Variants in C3 observed in about 807,000 individuals in gnomAD.
C3 encodes the protein C3 and PZP-like alpha-2-macroglobulin domain-containing protein 1.
C3 carries 97 observed loss-of-function variants against 207.9 expected under a neutral mutation model. The observed-to-expected ratio is 0.47, with a 90% CI of 0.40 to 0.55. The LOEUF (loss-of-function observed/expected upper bound fraction) is 0.55, where lower values mean the gene tolerates loss of function less well. C3 is among the 20% of genes least tolerant of loss of function. The probability of loss-of-function intolerance (pLI) is 0.00; values close to 1 mark genes in which losing one functional copy is unlikely to be tolerated. For synonymous variants in C3, 848 were observed against 857.6 expected, an observed-to-expected ratio of 0.99 and a Z score of 0.20; for missense variants, 1,684 against 2,171.7, an observed-to-expected ratio of 0.78 and a Z score of 4.46.
chr19:6,718,661 A>G (rs1968096078), intron 2 of C3, among the ~76,000 whole-genome samples: 1 of 143,186 alleles, frequency 7.0e-6, no homozygotes, highest in Non-Finnish European at 1.5e-5. Flanking sequence ...AGGGGCGGGG[A>G]CTCAGAAAGG....
Position 6,678,598 on chromosome 19 carries a change from C to A in C3, c.4631-143G>T, listed in dbSNP as rs965554576. On this transcript the variant is annotated intron_variant, in intron 38 of 40. Transcript: ENST00000245907. ...ACAGCCAGTCACACTATGGCCCACC[C>A]CTCATTACACACACAACCATAGAGG... The A allele has an allele frequency of 7.3e-6, 5 of 687,442 alleles. 1 individual carries two copies. The highest frequency in any genetic ancestry group is 7.7e-4 in the Middle Eastern group (2 of 2,612). 42.6% of individuals were successfully genotyped at this position (687,442 alleles called of 1,614,324 possible). A position where few individuals can be genotyped will look rare whatever the true frequency, so the allele number is the denominator to read the frequency against.
Position 6,678,258 on chromosome 19 carries a change from G to A in C3, c.4744C>T (p.Arg1582Cys), listed in dbSNP as rs1163665523. The change falls in exon 40 of 41, where the codon CGC becomes TGC. Residue 1582 changes from arginine to cysteine, a missense_variant. Arg to Cys is a radical substitution (Grantham distance 180, BLOSUM62 -3). Transcript: ENST00000245907. ...CACTTGATGGGGCTGATGAACGTGC[G>A]CTGCTGTCCAACCTGCACCTCATCC... is the stretch of plus-strand genomic sequence containing the variant. ...GSDEVQVGQQ[R>C]TFISPIKCRE... The A allele has an allele frequency of 1.2e-6, 2 of 1,614,172 alleles. No individual in the cohort carries two copies. The highest frequency in any genetic ancestry group is 1.7e-6 in the Non-Finnish European group (2 of 1,180,028).
In C3 at chr19:6,720,642, G is replaced by A; in HGVS notation, c.-53C>T. 1.4e-6 allele frequency: 2 copies of A among 1,407,532 alleles called. No individual in the cohort carries two copies. The highest frequency in any genetic ancestry group is 2.0e-6 in the Non-Finnish European group (2 of 1,017,622). 87.2% of individuals were successfully genotyped at this position (1,407,532 alleles called of 1,614,324 possible). On this transcript the variant is annotated 5_prime_UTR_variant, in exon 1 of 41. Transcript: ENST00000245907. ...GACAGAGGGACAGAGGGAGAGGATG[G>A]GGAGGAGTGAGCAGCGCCTGCTGGA...
At position 6,689,478 on chromosome 19, in the gene C3, G is replaced by T. The variant is rs541084491; in HGVS notation, c.3489+1151C>A. On this transcript the variant is annotated intron_variant, in intron 27 of 40. Coordinates refer to ENST00000245907, the MANE Select transcript of C3 (RefSeq NM_000064.4). Reference sequence around the variant, plus strand: ...TCCCCTCCATCTCTTTTCCTAAGGGGGGAGAAGCCACTAGCTGAGGGTGGA... The same window carrying T: ...TCCCCTCCATCTCTTTTCCTAAGGGTGGAGAAGCCACTAGCTGAGGGTGGA... 2.7e-4 allele frequency among the ~76,000 whole-genome samples: 41 copies of T among 151,826 alleles called. No homozygotes were observed. The East Asian group carries it at 2.7e-3, about 10-fold the overall frequency.
At chr19:6,688,065 C>T (rs1318440135) in intron 27 of C3, among the ~76,000 whole-genome samples, 2 of 151,172 alleles carry the variant, frequency 1.3e-5, no homozygotes, top group African/African-American at 4.9e-5. Flanking sequence ...ACCGTGGTCT[C>T]GATCTCCTGA....
chr19:6,700,405 T>G lies in C3; in HGVS notation c.2440+1722A>C, dbSNP rs1967626788. On this transcript the variant is annotated intron_variant, in intron 19 of 40. Transcript: ENST00000245907. ...TGTAATATATGATATATATGTAATA[T>G]GATATATTATATATGTAATATATGA... 5.7e-5 allele frequency among the ~76,000 whole-genome samples: 3 copies of G among 52,430 alleles called. 1 individual carries two copies. The highest frequency in any genetic ancestry group is 8.3e-5 in the Non-Finnish European group (3 of 36,222). The allele number at this position is 52,430 out of a possible 152,430, so 34.4% of individuals were successfully genotyped here.
rs764054278 is a variant in C3, at chr19:6,686,199, G to A, written c.3735C>T (p.Asp1245=). The change falls in exon 29 of 41, where the codon GAC becomes GAT. Residue 1245 remains aspartate (D), a synonymous_variant. Transcript: ENST00000245907. The stretch of plus-strand genomic sequence containing the variant: ...GCACGACGGGAGGCACAAAGTCAAA[G>A]TCTTTTAGCTGCAGTAGGGCCAAGA... ...YALLALLQLK[D]FDFVPPVVRW... The A allele has an allele frequency of 6.2e-7, 1 of 1,614,198 alleles. No homozygotes were observed. The highest frequency in any genetic ancestry group is 8.5e-7 in the Non-Finnish European group (1 of 1,180,036).
In C3 at chr19:6,712,582, C is replaced by T. The variant is rs768637031; in HGVS notation, c.1045G>A (p.Val349Met). The T allele has an allele frequency of 2.5e-6, 4 of 1,613,996 alleles. No individual in the cohort carries two copies. The highest frequency in any genetic ancestry group is 2.2e-5 in the East Asian group (1 of 44,896). The change falls in exon 10 of 41, where the codon GTG becomes ATG. Residue 349 changes from valine to methionine, a missense_variant. By Grantham distance (21) the Val-to-Met change is conservative (BLOSUM62 1). Coordinates refer to ENST00000245907, the MANE Select transcript of C3 (RefSeq NM_000064.4). ...AAGTGGATCTGGTAGGGAGAGGTCA[C>T]GATGGGGATCCCGCTGCGCTCTGCC... ...VQAERSGIPI[V>M]TSPYQIHFTK...
chr19:6,692,874 A>G, intron 26 of C3, 50 bp downstream of exon 26: 1 of 1,600,890 alleles, frequency 6.2e-7, no homozygotes, highest in Non-Finnish European at 8.5e-7. Context: ...TCATCCTGCG[A>G]GACTCAGGAG....
rs757724453 is a variant in C3 at position 6,702,112 on chromosome 19, A to T, written c.2440+15T>A. 3 of 1,483,724 alleles carry T rather than the reference A, an allele frequency of 2.0e-6. No individual in the cohort carries two copies. Among genetic ancestry groups the T allele is most frequent in the Non-Finnish European group, 2.8e-6 (3 of 1,063,370 alleles). The allele number at this position is 1,483,724 out of a possible 1,614,324, so 91.9% of individuals were successfully genotyped here. A position where few individuals can be genotyped will look rare whatever the true frequency, so the allele number is the denominator to read the frequency against. On this transcript the variant is annotated intron_variant, in intron 19 of 40. Coordinates refer to ENST00000245907, the MANE Select transcript of C3 (RefSeq NM_000064.4). Reference sequence around the variant, plus strand: ...GGTCCCTGCCTCCCGGGGACCAGCCAGCATCCTCTCTCACCTTTCTTGTCC... The same window carrying T: ...GGTCCCTGCCTCCCGGGGACCAGCCTGCATCCTCTCTCACCTTTCTTGTCC...
At position 6,679,298 on chromosome 19, in the gene C3, C is replaced by G. The variant is rs879060382; in HGVS notation, c.4547-90G>C. The G allele has an allele frequency of 3.6e-5, 52 of 1,440,574 alleles. 2 individuals carry two copies. In the South Asian group the frequency reaches 5.6e-4, roughly 16 times the overall value. 89.2% of individuals were successfully genotyped at this position (1,440,574 alleles called of 1,614,324 possible). On this transcript the variant is annotated intron_variant, in intron 37 of 40. Coordinates refer to ENST00000245907, the MANE Select transcript of C3 (RefSeq NM_000064.4). The stretch of plus-strand genomic sequence containing the variant: ...TGTGGCCAGCCCTGGGAGCCTACCC[C>G]CCTTGGTATCCCCTGGGTATGGGTC...
At chr19:6,690,785 C>G (rs761841299) in intron 26 of C3, 58 bp from the exon 27 acceptor site, 3 of 1,330,774 alleles carry the variant, frequency 2.3e-6, no homozygotes, top group Non-Finnish European at 3.2e-6. Context: ...ACATGGCAGT[C>G]ATCCCCCCTT....
rs2145411912 is a variant in C3 at position 6,697,638 on chromosome 19, A to G, written c.2583+14T>C. On this transcript the variant is annotated intron_variant, in intron 20 of 40. Transcript: ENST00000245907. Reference sequence around the variant, plus strand: ...TGGCAGCCTCCAAGAAGCCTCTGCCACCCCGGGACCCACCTTGAGCTCTTG... The same window carrying G: ...TGGCAGCCTCCAAGAAGCCTCTGCCGCCCCGGGACCCACCTTGAGCTCTTG... The G allele has an allele frequency of 6.2e-7, 1 of 1,613,776 alleles. No homozygotes were observed. Among genetic ancestry groups the G allele is most frequent in the Non-Finnish European group, 8.5e-7 (1 of 1,179,938 alleles).
At chr19:6,706,977 G>GGC in intron 17 of C3, 99 bp downstream of exon 17, 2 of 442,672 alleles carry the variant, frequency 4.5e-6, no homozygotes, top group South Asian at 4.1e-5. Context: ...GCCTCCTCCA[G>GGC]CCCCACCCCC....
chr19:6,717,813 C>T (rs1968071619), intron 4 of C3: 4 of 559,348 alleles, frequency 7.2e-6, no homozygotes, highest in African/African-American at 1.9e-5. Flanking sequence ...GTTGTGTGGT[C>T]GTGTATGTTG....
At chr19:6,678,639 CCA>C (rs1416315113) in intron 38 of C3, among the ~76,000 whole-genome samples, 184 bp from the exon 39 acceptor site, 1 of 152,110 alleles carries the variant, frequency 6.6e-6, no homozygotes, top group Non-Finnish European at 1.5e-5. Context: ...ATGTCACCAT[CCA>C]CACACAGTCG....
In C3 at chr19:6,678,019, T is replaced by C. The variant is rs2230210; in HGVS notation, c.4855A>G (p.Ser1619Gly). The C allele has an allele frequency of 6.2e-7, 1 of 1,613,850 alleles. No individual in the cohort carries two copies. Among genetic ancestry groups the C allele is most frequent in the Non-Finnish European group, 8.5e-7 (1 of 1,179,998 alleles). ...SDFWGEKPNL[S>G]YIIGKDTWVE... ...CAAGTGTCCTTCCCGATGATGTAGC[T>C]GAGGCTGGAGGGAAGAATGGCAGGT... The change falls in exon 41 of 41, where the codon AGC becomes GGC. Residue 1619 changes from serine to glycine, a missense_variant. Physicochemically the swap from Ser to Gly is moderately conservative, Grantham distance 56 (BLOSUM62 0). This residue lies in a region of C3 where 346 missense variants were observed against 380.1 expected (regional missense o/e 0.91). Transcript: ENST00000245907.
In C3 at chr19:6,719,354, T is replaced by A; in HGVS notation, c.124A>T (p.Met42Leu). 7.4e-6 allele frequency: 12 copies of A among 1,613,920 alleles called. No individual in the cohort carries two copies. The highest frequency in any genetic ancestry group is 9.3e-6 in the Non-Finnish European group (11 of 1,179,920). The change falls in exon 2 of 41, where the codon ATG becomes TTG. Residue 42 changes from methionine (M) to leucine (L), a missense_variant. Transcript: ENST00000245907. This position sits in a 1 kb window ranked among gnomAD's most constrained non-coding sequence, Gnocchi z 5.4. ...NILRLESEETMVLEAHDAQGD... is the reference protein window; with the variant it reads ...NILRLESEETLVLEAHDAQGD... ...TGCGCGTCGTGGGCCTCCAGCACCATGGTCTCCTCGCTCTCCAGCCGCAAG... is the reference window on the plus strand; with the variant it reads ...TGCGCGTCGTGGGCCTCCAGCACCAAGGTCTCCTCGCTCTCCAGCCGCAAG...
chr19:6,718,868 C>T (rs1480036120), intron 2 of C3, among the ~76,000 whole-genome samples: 1 of 116,104 alleles, frequency 8.6e-6, no homozygotes, highest in East Asian at 2.7e-4. Context: ...AGGGGAGGAA[C>T]CTCAGAAGGG....
Sources: allele counts gnomAD v4.1 joint callset (sites outside exome capture counted in the v4.1 genomes callset), GRCh38; gene constraint gnomAD v4.1.1; regional missense constraint gnomAD v4.1.1; non-coding constraint Gnocchi (gnomAD v3.1); transcripts MANE v1.5; gene names NCBI Gene and HGNC (gene_info 2026-07-23, HGNC 2026-07-21).